The following ITIH6 variants were observed in gnomAD, a reference collection of about 807,000 sequenced individuals.
ITIH6 encodes the protein inter-alpha-trypsin inhibitor heavy chain H6.
Under a neutral mutation model 58.2 loss-of-function variants are expected in ITIH6, and 60 were observed. The ratio of observed to expected loss-of-function variants is 1.03; its 90% CI spans 0.84 to 1.28. The LOEUF (loss-of-function observed/expected upper bound fraction) is 1.28. ITIH6 is among the 50% of genes most tolerant of loss of function. ITIH6 has a pLI of 0.00. For synonymous variants in ITIH6, 493 were observed against 417.4 expected (o/e 1.18, Z -2.21); for missense variants, 1,290 against 1,021.1 (o/e 1.26, Z -3.59).
intron 9 of ITIH6, 145 bp downstream of exon 9, chrX:54,754,872 A>G: frequency 6.5e-6 from 3 of 460,122 alleles, no homozygotes; most frequent in Non-Finnish European, 1.1e-5. Context: ...GTGTTGTTTT[A>G]AGCTACTAAA....
At chrX:54,773,133 C>T (rs978277887) in intron 6 of ITIH6, among the ~76,000 whole-genome samples, 4 of 111,596 alleles carry the variant, frequency 3.6e-5, no homozygotes, top group African/African-American at 6.5e-5. Flanking sequence ...TGTAACTTTC[C>T]GTTATTGCCG....
At position 54,758,706 on chromosome X, in the gene ITIH6, A is replaced by G. The variant is rs200912584; in HGVS notation, c.1368T>C (p.Thr456=). ...GGCCCTTCAGCTGTAGGGCCGCATC[A>G]GTGTCCTCATATATGCGCCGGGCTA... ...RGIARRIYED[T]DAALQLKGLY... The change falls in exon 8 of 13, where the codon ACT becomes ACC. Residue 456 remains threonine (T), a synonymous_variant. Coordinates refer to ENST00000218436, the MANE Select transcript of ITIH6 (RefSeq NM_198510.3). 39 of 1,209,669 alleles carry G rather than the reference A, an allele frequency of 3.2e-5. No homozygotes were observed. The highest frequency in any genetic ancestry group is 4.2e-5 in the Non-Finnish European group (38 of 895,065).
chrX:54,749,937 T>C lies in ITIH6; in HGVS notation c.3900A>G (p.Val1300=). ...ASCWLVKRSH[V]ELLLGHPYLS... ...GGTAGGGGTGGCCCAGAAGCAGCTC[T>C]ACATGAGAGCGCTTCACCAGCCAGC... Residue 1300 remains valine (V), a synonymous_variant, in exon 13 of 13, where the codon GTA becomes GTG. Transcript: ENST00000218436. The C allele has an allele frequency of 2.5e-6, 3 of 1,211,370 alleles. No homozygotes were observed. Among genetic ancestry groups the C allele is most frequent in the Non-Finnish European group, 3.4e-6 (3 of 895,313 alleles).
intron 6 of ITIH6, among the ~76,000 whole-genome samples, chrX:54,761,959 T>G (rs2147604784): frequency 8.9e-6 from 1 of 112,053 alleles, no homozygotes; most frequent in East Asian, 2.8e-4. Context: ...AAGTAGTTTT[T>G]TCCAATCCTG....
intron 5 of ITIH6, among the ~76,000 whole-genome samples, chrX:54,778,097 A>G (rs1174638105): frequency 9.8e-5 from 11 of 111,972 alleles, no homozygotes; most frequent in Non-Finnish European, 2.1e-4. Context: ...CTATCAGATG[A>G]AAGTAACAAA....
At chrX:54,768,468 T>C (rs1434708601) in intron 6 of ITIH6, among the ~76,000 whole-genome samples, 1 of 88,129 alleles carries the variant, frequency 1.1e-5, no homozygotes, top group Non-Finnish European at 2.2e-5. Context: ...CGTTAGTTGA[T>C]GCAGTTTCTT....
chrX:54,771,085 C>T (rs1201580205), intron 6 of ITIH6, among the ~76,000 whole-genome samples: 2 of 111,626 alleles, frequency 1.8e-5, no homozygotes, highest in African/African-American at 6.5e-5. Context: ...TATCCTTGCT[C>T]CTCTATAGGT....
intron 5 of ITIH6, chrX:54,787,198 C>A (rs1014065141): frequency 8.9e-6 from 1 of 112,268 alleles, no homozygotes; most frequent in African/African-American, 3.2e-5. Context: ...TGGCTCCTAT[C>A]CTGGCAGGAG....
At chrX:54,770,181 G>GAACT (rs1928916498) in intron 6 of ITIH6, among the ~76,000 whole-genome samples, 1 of 112,792 alleles carries the variant, frequency 8.9e-6, no homozygotes, top group Non-Finnish European at 1.9e-5. Flanking sequence ...CTCGGAAAGG[G>GAACT]AACTCCCTGT....
chrX:54,753,248 T>A (rs1928407059), intron 11 of ITIH6, among the ~76,000 whole-genome samples: 1 of 113,066 alleles, frequency 8.8e-6, no homozygotes, highest in Non-Finnish European at 1.9e-5. Context: ...TATAAAATAC[T>A]GCATTAACAT....
intron 8 of ITIH6, among the ~76,000 whole-genome samples, chrX:54,756,378 C>T (rs1180654778): frequency 3.6e-5 from 4 of 111,705 alleles, no homozygotes; most frequent in Middle Eastern, 4.6e-3. Flanking sequence ...ATTCTCCTCA[C>T]GTGTAAAATG....
At chrX:54,769,430 G>A (rs1276884920) in intron 6 of ITIH6, among the ~76,000 whole-genome samples, 6 of 104,074 alleles carry the variant, frequency 5.8e-5, no homozygotes, top group South Asian at 4.6e-4. Flanking sequence ...GAGGAACTGC[G>A]TTCCTTTGGA....
chrX:54,757,008 C>G lies in ITIH6; in HGVS notation c.3066G>C (p.Leu1022Phe). The G allele has an allele frequency of 8.3e-7, 1 of 1,207,206 alleles. No homozygotes were observed. Among genetic ancestry groups the G allele is most frequent in the Non-Finnish European group, 1.1e-6 (1 of 893,476 alleles). The change falls in exon 8 of 13, where the codon TTG becomes TTC. Residue 1022 changes from leucine (L) to phenylalanine (F), a missense_variant. Leu to Phe is a conservative substitution (Grantham distance 22). Coordinates refer to ENST00000218436, the MANE Select transcript of ITIH6 (RefSeq NM_198510.3). ...SMVESKFVES[L>F]NPPAFYTFLT... is the part of the protein sequence containing the mutation. ...GGAAGGTATAGAAAGCTGGTGGGTTCAAGGACTCCACGAACTTGGATTCCA... is the reference window on the plus strand; with the variant it reads ...GGAAGGTATAGAAAGCTGGTGGGTTGAAGGACTCCACGAACTTGGATTCCA...
intron 5 of ITIH6, among the ~76,000 whole-genome samples, chrX:54,782,538 C>A (rs985157552): frequency 4.5e-5 from 5 of 111,775 alleles, no homozygotes; most frequent in African/African-American, 1.6e-4. Context: ...ATATAACAAA[C>A]CTTTATGTGT....
At chrX:54,785,213 G>T (rs1929220670) in intron 5 of ITIH6, among the ~76,000 whole-genome samples, 1 of 102,196 alleles carries the variant, frequency 9.8e-6, no homozygotes, top group Non-Finnish European at 2.0e-5. Context: ...GGGGAGTGGG[G>T]TAGCGGGGAG....
rs1174560863 is a variant in ITIH6, at chrX:54,758,646, A to C, written c.1428T>G (p.Asp476Glu). 1.7e-6 allele frequency: 2 copies of C among 1,211,640 alleles called. No homozygotes were observed. Among genetic ancestry groups the C allele is most frequent in the Admixed American group, 2.2e-5 (1 of 46,058 alleles). ...YEEISMPLLA[D>E]VRLNYLGGLV... ...AGCCACCCAGGTAGTTCAGACGCAC[A>C]TCTGCCAGCAGAGGCATGGAGATCT... Residue 476 changes from aspartate to glutamate, a missense_variant, in exon 8 of 13, where the codon GAT becomes GAG. Asp to Glu is a conservative substitution (Grantham distance 45). Transcript: ENST00000218436.
At position 54,749,940 on chromosome X, in the gene ITIH6, A is replaced by C. The variant is rs758075548; in HGVS notation, c.3897T>G (p.His1299Gln). 11 of 1,209,528 alleles carry C rather than the reference A, an allele frequency of 9.1e-6. No homozygotes were observed. Among genetic ancestry groups the C allele is most frequent in the Non-Finnish European group, 1.1e-5 (10 of 895,036 alleles). ...WASCWLVKRS[H>Q]VELLLGHPYL... ...AGGGGTGGCCCAGAAGCAGCTCTAC[A>C]TGAGAGCGCTTCACCAGCCAGCAGG... The change falls in exon 13 of 13, where the codon CAT becomes CAG. Residue 1299 changes from histidine (H) to glutamine (Q), a missense_variant. Physicochemically the swap from His to Gln is conservative, Grantham distance 24 (BLOSUM62 0). Coordinates refer to ENST00000218436, the MANE Select transcript of ITIH6 (RefSeq NM_198510.3).
intron 7 of ITIH6, among the ~76,000 whole-genome samples, 186 bp downstream of exon 7, chrX:54,759,570 T>C (rs1928591586): frequency 8.9e-6 from 1 of 112,273 alleles, no homozygotes; most frequent in Non-Finnish European, 1.9e-5. Context: ...GAATCGGCTG[T>C]GCTCTTTCTA....
At chrX:54,759,623 A>G (rs1362357570) in intron 7 of ITIH6, 133 bp downstream of exon 7, 1 of 503,126 alleles carries the variant, frequency 2.0e-6, no homozygotes, top group Non-Finnish European at 3.2e-6. Context: ...AAAGGACCAT[A>G]TTTGTGTGAA....
Sources: gnomAD v4.1 joint callset for allele counts (sites outside exome capture counted in the v4.1 genomes callset) on GRCh38, gnomAD v4.1.1 for gene constraint, MANE v1.5 for transcripts, NCBI Gene and HGNC (gene_info 2026-07-23, HGNC 2026-07-21) for gene names.